Variants in PIWIL3 observed in about 807,000 individuals in gnomAD.
The protein encoded by PIWIL3 is piwi-like protein 3.
A neutral mutation model predicts 109.7 loss-of-function variants in PIWIL3; 101 were observed. The ratio of observed to expected loss-of-function variants is 0.92; its 90% confidence interval spans 0.78 to 1.09. The LOEUF (loss-of-function observed/expected upper bound fraction) is 1.09, where lower values mean the gene tolerates loss of function less well. Ranked by LOEUF, PIWIL3 falls within the 50% of genes least tolerant of loss-of-function variation. The pLI is 0.00. For missense variants in PIWIL3, 1,031 were observed against 1,072.6 expected (o/e 0.96, Z 0.54); for synonymous variants, 373 against 376.4 (o/e 0.99, Z 0.10).
At chr22:24,767,324 TCA>T (rs1925852082) in intron 1 of PIWIL3, among the ~76,000 whole-genome samples, 1 of 151,838 alleles carries the variant, frequency 6.6e-6, no homozygotes, top group Non-Finnish European at 1.5e-5. Flanking sequence ...TAACCTGAGG[TCA>T]GGAGTTCGAG....
intron 14 of PIWIL3, among the ~76,000 whole-genome samples, chr22:24,733,709 A>G (rs1343066388): frequency 1.2e-5 from 1 of 85,080 alleles, no homozygotes; most frequent in African/African-American, 3.6e-5. Context: ...AAAAACAACA[A>G]CAACAAAAAA....
rs1924588047 is a variant in PIWIL3, at chr22:24,749,691, A to G, written c.1216+2T>C. 6.2e-7 allele frequency: 1 copy of G among 1,614,148 alleles called. No homozygotes were observed. The highest frequency in any genetic ancestry group is 2.2e-5 in the East Asian group (1 of 44,884). On this transcript the variant is annotated splice_donor_variant, in intron 10 of 20. Coordinates refer to ENST00000616349, the MANE Select transcript of PIWIL3 (RefSeq NM_001255975.1). LOFTEE classifies it high-confidence loss of function. ...TAAAGAGGGGCTGTAATCCATCAGT[A>G]CCTGTCATGTGGCACAGCTGAGGAA...
intron 12 of PIWIL3, among the ~76,000 whole-genome samples, chr22:24,739,383 C>T (rs2147672909): frequency 6.6e-6 from 1 of 152,252 alleles, no homozygotes; most frequent in African/African-American, 2.4e-5. Context: ...TAGACAACTA[C>T]TTCAAGGCAT....
At chr22:24,752,449 T>A (rs570338935) in intron 8 of PIWIL3, among the ~76,000 whole-genome samples, 4 of 152,218 alleles carry the variant, frequency 2.6e-5, no homozygotes, top group African/African-American at 4.8e-5. Flanking sequence ...GCAGGCTATG[T>A]AAATGGCACA....
rs573370155 is a variant in PIWIL3, at chr22:24,722,175, C to G, written c.2357+955G>C. ...TCCGCTCACTGCAAGCTCCGCCTCCCTGGTTCACACCGTTCCCCTGCCTCA... is the reference window on the plus strand; with the variant it reads ...TCCGCTCACTGCAAGCTCCGCCTCCGTGGTTCACACCGTTCCCCTGCCTCA... On this transcript the variant is annotated intron_variant, in intron 19 of 20. Transcript: ENST00000616349. 5.7e-4 allele frequency among the ~76,000 whole-genome samples: 87 copies of G among 152,296 alleles called. 1 individual carries two copies. Among genetic ancestry groups the G allele is most frequent in the African/African-American group, 2.0e-3 (82 of 41,582 alleles).
chr22:24,746,368 A>G (rs1924368969), intron 12 of PIWIL3, among the ~76,000 whole-genome samples: 1 of 152,172 alleles, frequency 6.6e-6, no homozygotes, highest in Non-Finnish European at 1.5e-5. Context: ...AAAATTCAAT[A>G]TCCCTTCATA....
At chr22:24,720,290 T>TTTTTTA (rs1491484822) in intron 19 of PIWIL3, among the ~76,000 whole-genome samples, 41 of 124,938 alleles carry the variant, frequency 3.3e-4, no homozygotes, top group African/African-American at 1.0e-3. Flanking sequence ...TTTTTTTTTT[T>TTTTTTA]AGACGGAGTC....
Position 24,762,441 on chromosome 22 carries a change from TG to T in PIWIL3, c.58del (p.Gln20AsnfsTer57), listed in dbSNP as rs761482276. 11 of 1,614,068 alleles carry T rather than the reference TG, an allele frequency of 6.8e-6. No homozygotes were observed. ...TCTGGGTCCCCCAGGTGCCTCTTGT[TG>T]GTAGCTCTCCCTGCGGCGGGCTCTG... is the stretch of plus-strand genomic sequence containing the variant. ...RGRARRRESY[Q>X]QEAPGGPRAP... On this transcript the variant is annotated frameshift_variant, in exon 2 of 21. Coordinates refer to ENST00000616349, the MANE Select transcript of PIWIL3 (RefSeq NM_001255975.1). LOFTEE classifies it high-confidence loss of function.
At chr22:24,726,731 AC>A (rs1183685709) in intron 16 of PIWIL3, among the ~76,000 whole-genome samples, 1 of 152,266 alleles carries the variant, frequency 6.6e-6, no homozygotes, top group African/African-American at 2.4e-5. Flanking sequence ...CTATTTTCAA[AC>A]AAAAAGTAGA....
In PIWIL3 at chr22:24,751,425, CTGATT is replaced by C. The variant is rs1924705249; in HGVS notation, c.1046_1050del (p.Lys349ArgfsTer16). 2 of 1,613,962 alleles carry C rather than the reference CTGATT, an allele frequency of 1.2e-6. No homozygotes were observed. The highest frequency in any genetic ancestry group is 1.7e-6 in the Non-Finnish European group (2 of 1,179,956). On this transcript the variant is annotated frameshift_variant, in exon 9 of 21. Coordinates refer to ENST00000616349, the MANE Select transcript of PIWIL3 (RefSeq NM_001255975.1). LOFTEE classifies it high-confidence loss of function. ...TCTATATAGGTGATTTTGCTGCCATCTGATTTGTTAAATGTGTCTTCAGGATTCTG... is the reference window on the plus strand; with the variant it reads ...TCTATATAGGTGATTTTGCTGCCATCTGTTAAATGTGTCTTCAGGATTCTG...
At chr22:24,739,813 G>A (rs893104335) in intron 12 of PIWIL3, among the ~76,000 whole-genome samples, 7 of 152,230 alleles carry the variant, frequency 4.6e-5, no homozygotes, top group African/African-American at 1.7e-4. Context: ...CATTTTGAGA[G>A]GCCGAGGCGG....
chr22:24,774,014 A>G (rs529726095), intron 1 of PIWIL3, among the ~76,000 whole-genome samples: 40 of 152,256 alleles, frequency 2.6e-4, no homozygotes, highest in African/African-American at 9.6e-4. Flanking sequence ...TGGCTGACCA[A>G]GATGCTCTAG....
At position 24,757,471 on chromosome 22, in the gene PIWIL3, A is replaced by G. The variant is rs534596308; in HGVS notation, c.355+437T>C. Among the ~76,000 whole-genome samples the G allele has an allele frequency of 2.0e-5, 3 of 152,114 alleles. No individual in the cohort carries two copies. In the South Asian group the frequency reaches 6.2e-4, roughly 32 times the overall value. ...ACAGTGATGACAGAAGCTTTCCAGA[A>G]TCTATTAAAGTTTTTATCGAAAGTT... On this transcript the variant is annotated intron_variant, in intron 4 of 20. Transcript: ENST00000616349.
chr22:24,765,068 G>A (rs554455082), intron 1 of PIWIL3, among the ~76,000 whole-genome samples: 1 of 152,256 alleles, frequency 6.6e-6, no homozygotes, highest in Admixed American at 6.5e-5. Flanking sequence ...AAATATTTCA[G>A]ATATCAAAAT....
chr22:24,744,253 CAT>C (rs1457887490), intron 12 of PIWIL3, among the ~76,000 whole-genome samples: 1 of 124,116 alleles, frequency 8.1e-6, no homozygotes, highest in Non-Finnish European at 1.7e-5. Flanking sequence ...TAAAGACTCA[CAT>C]AGACTGAAAA....
chr22:24,765,554 C>T (rs1925735831), intron 1 of PIWIL3, among the ~76,000 whole-genome samples: 1 of 152,034 alleles, frequency 6.6e-6, no homozygotes, highest in Non-Finnish European at 1.5e-5. Context: ...TTTTCTTGAT[C>T]TTACAGATCG....
intron 1 of PIWIL3, among the ~76,000 whole-genome samples, chr22:24,767,390 T>A (rs1441979636): frequency 6.6e-6 from 1 of 150,638 alleles, no homozygotes; most frequent in Non-Finnish European, 1.5e-5. Flanking sequence ...AATAAATAAA[T>A]AAATAAATAA....
rs998953772 is a variant in PIWIL3, at chr22:24,749,503, C to T, written c.1235G>A (p.Cys412Tyr). The change falls in exon 11 of 21, where the codon TGT becomes TAT. Residue 412 changes from cysteine to tyrosine, a missense_variant. Cys to Tyr is a radical substitution (Grantham distance 194, BLOSUM62 -2). Transcript: ENST00000616349. ...TTCTTTCACAATGCTATAATCTTTA[C>T]ATATTTCATCTGTTAGACCTTTAAA... ...CHMTGLTDEICKDYSIVKELA... is the reference protein window; with the variant it reads ...CHMTGLTDEIYKDYSIVKELA... The T allele has an allele frequency of 7.4e-6, 12 of 1,613,216 alleles. No homozygotes were observed. In the African/African-American group the frequency reaches 9.4e-5, roughly 13 times the overall value.
chr22:24,732,689 G>T (rs1569098949), intron 14 of PIWIL3, among the ~76,000 whole-genome samples: 1 of 152,122 alleles, frequency 6.6e-6, no homozygotes, highest in South Asian at 2.1e-4. Flanking sequence ...CGGGTGTGGC[G>T]GCAGGCGCCT....
Sources: gnomAD v4.1 joint callset for allele counts (sites outside exome capture counted in the v4.1 genomes callset) on GRCh38, gnomAD v4.1.1 for gene constraint, MANE v1.5 for transcripts, NCBI Gene and HGNC (gene_info 2026-07-23, HGNC 2026-07-21) for gene names.